BRINP3: variants seen among roughly 807,000 people sequenced by gnomAD.
BRINP3 encodes the protein BMP/retinoic acid inducible neural specific 3.
A neutral mutation model predicts 71.0 loss-of-function variants in BRINP3; 19 were observed. The ratio of observed to expected loss-of-function variants is 0.27; its 90% CI spans 0.19 to 0.39. The LOEUF is 0.39. Among genes scored for constraint, BRINP3 ranks in the 10% least tolerant of loss-of-function variants. The pLI is 1.00. For missense variants in BRINP3, 959 were observed against 940.8 expected (o/e 1.02, Z -0.25); for synonymous variants, 380 against 337.7 (o/e 1.13, Z -1.37).
At chr1:190,461,442 C>T (rs1342939894) in intron 1 of BRINP3, among the ~76,000 whole-genome samples, 1 of 151,998 alleles carries the variant, frequency 6.6e-6, no homozygotes, top group East Asian at 1.9e-4. Flanking sequence ...TTTTATGCTC[C>T]CATTACTTTC....
intron 4 of BRINP3, among the ~76,000 whole-genome samples, chr1:190,244,425 T>C (rs935430692): frequency 6.6e-6 from 1 of 152,130 alleles, no homozygotes; most frequent in Non-Finnish European, 1.5e-5. Flanking sequence ...TCAAGCAAAC[T>C]GCAAGCTGAT....
intron 6 of BRINP3, among the ~76,000 whole-genome samples, chr1:190,167,031 A>AT (rs891035571): frequency 1.5e-4 from 23 of 151,072 alleles, no homozygotes; most frequent in African/African-American, 4.9e-4. Context: ...GGCCTATGAA[A>AT]TTTTTTTTTA....
At chr1:190,257,395 T>C (rs1660763530) in intron 4 of BRINP3, among the ~76,000 whole-genome samples, 1 of 152,170 alleles carries the variant, frequency 6.6e-6, no homozygotes, top group South Asian at 2.1e-4. Context: ...GTCTAATCTT[T>C]TTTCAAATTT....
chr1:190,281,443 G>T, intron 3 of BRINP3, 117 bp downstream of exon 3: 1 of 953,108 alleles, frequency 1.0e-6, no homozygotes, highest in East Asian at 2.5e-5. Flanking sequence ...GTAAATGAAT[G>T]AATGAGTTCT....
At chr1:190,185,791 C>T (rs1007697551) in intron 6 of BRINP3, among the ~76,000 whole-genome samples, 10 of 151,810 alleles carry the variant, frequency 6.6e-5, no homozygotes, top group Non-Finnish European at 1.0e-4. Context: ...GGATGTACAA[C>T]GATAAAATAA....
chr1:190,209,785 C>T (rs1655824899), intron 6 of BRINP3, among the ~76,000 whole-genome samples: 1 of 152,072 alleles, frequency 6.6e-6, no homozygotes, highest in African/African-American at 2.4e-5. Context: ...ACTTTAGGTC[C>T]AAATTCTATA....
chr1:190,437,161 A>T (rs2102537778), intron 2 of BRINP3, among the ~76,000 whole-genome samples: 1 of 151,900 alleles, frequency 6.6e-6, no homozygotes, highest in Non-Finnish European at 1.5e-5. Flanking sequence ...GCAAAAAATC[A>T]AAATATGAAA....
chr1:190,122,785 T>C (rs535249292), intron 7 of BRINP3, among the ~76,000 whole-genome samples: 1 of 152,244 alleles, frequency 6.6e-6, no homozygotes, highest in Non-Finnish European at 1.5e-5. Flanking sequence ...AGAATAAATA[T>C]CTGTTGTTTT....
intron 6 of BRINP3, among the ~76,000 whole-genome samples, chr1:190,184,799 C>T (rs1024075987): frequency 2.0e-5 from 3 of 152,030 alleles, no homozygotes; most frequent in Non-Finnish European, 2.9e-5. Context: ...ATATTCACTA[C>T]CTGGGTGATG....
At position 190,132,898 on chromosome 1, in the gene BRINP3, A is replaced by G. The variant is rs567414337; in HGVS notation, c.1184+27770T>C. On this transcript the variant is annotated intron_variant, in intron 7 of 7. Transcript: ENST00000367462. ...CACTAACTTTGAAGGAAGCCAGCTA[A>G]CACGTCATAAGGACACTCAAAAAGC... 3.9e-5 allele frequency among the ~76,000 whole-genome samples: 6 copies of G among 152,228 alleles called. No individual in the cohort carries two copies. In the South Asian group the frequency reaches 1.2e-3, roughly 32 times the overall value.
chr1:190,418,558 T>C (rs1673156283), intron 2 of BRINP3, among the ~76,000 whole-genome samples: 1 of 152,148 alleles, frequency 6.6e-6, no homozygotes, highest in Admixed American at 6.6e-5. Flanking sequence ...CTGATCATGA[T>C]AAAAACCACC....
intron 2 of BRINP3, among the ~76,000 whole-genome samples, chr1:190,402,101 A>T: frequency 6.6e-6 from 1 of 152,148 alleles, no homozygotes; most frequent in East Asian, 1.9e-4. Flanking sequence ...CACTAGAAGA[A>T]TAATCTTTTA....
intron 7 of BRINP3, among the ~76,000 whole-genome samples, chr1:190,158,574 T>C (rs1021051608): frequency 6.6e-6 from 1 of 151,914 alleles, no homozygotes; most frequent in Non-Finnish European, 1.5e-5. Context: ...AATATACCTA[T>C]AAAACAAATG....
chr1:190,106,432 A>C (rs919441968), intron 7 of BRINP3, among the ~76,000 whole-genome samples: 2 of 151,728 alleles, frequency 1.3e-5, no homozygotes, highest in African/African-American at 4.8e-5. Flanking sequence ...TTCAAATTTG[A>C]AAATCTAAAC....
At chr1:190,374,978 G>T (rs1670095154) in intron 2 of BRINP3, among the ~76,000 whole-genome samples, 1 of 151,798 alleles carries the variant, frequency 6.6e-6, no homozygotes, top group South Asian at 2.1e-4. Context: ...TTAAAAAATG[G>T]GTTAATAGCA....
chr1:190,381,629 T>C (rs1369694318), intron 2 of BRINP3, among the ~76,000 whole-genome samples: 3 of 152,110 alleles, frequency 2.0e-5, no homozygotes, highest in Non-Finnish European at 4.4e-5. Flanking sequence ...GCCCAAATCA[T>C]AAAAATATTC....
At chr1:190,278,289 T>C (rs1312389890) in intron 3 of BRINP3, among the ~76,000 whole-genome samples, 1 of 151,640 alleles carries the variant, frequency 6.6e-6, no homozygotes, top group East Asian at 1.9e-4. Context: ...CATTACACCC[T>C]AGTGTTATAA....
chr1:190,296,244 A>G (rs1044171551), intron 2 of BRINP3, among the ~76,000 whole-genome samples: 3 of 58,654 alleles, frequency 5.1e-5, no homozygotes, highest in Non-Finnish European at 1.7e-4. Flanking sequence ...AAAAAAAAAC[A>G]TGGGATGTAA....
intron 2 of BRINP3, among the ~76,000 whole-genome samples, chr1:190,337,281 A>T (rs1667353777): frequency 6.6e-6 from 1 of 151,856 alleles, no homozygotes; most frequent in African/African-American, 2.4e-5. Flanking sequence ...CCTTCTGTTG[A>T]CTTTGGATTT....
Sources: gnomAD v4.1 joint callset for allele counts (sites outside exome capture counted in the v4.1 genomes callset) on GRCh38, gnomAD v4.1.1 for gene constraint, MANE v1.5 for transcripts, NCBI Gene and HGNC (gene_info 2026-07-23, HGNC 2026-07-21) for gene names.